HSPA12A: variants seen among roughly 807,000 people sequenced by gnomAD.
The protein encoded by HSPA12A is heat shock protein family A (Hsp70) member 12A, also known as heat shock 70 kDa protein 12A.
In HSPA12A, 28 loss-of-function variants were observed where a neutral mutation model predicts 69.2. The ratio of observed to expected loss-of-function variants is 0.40; its 90% CI spans 0.30 to 0.55. The LOEUF (loss-of-function observed/expected upper bound fraction) is 0.55, where lower values mean the gene tolerates loss of function less well. Among genes scored for constraint, HSPA12A ranks in the 20% least tolerant of loss-of-function variants. The pLI, the probability that HSPA12A is intolerant of heterozygous loss-of-function variation, is 0.38. For missense variants in HSPA12A, 686 were observed against 900.7 expected, an observed-to-expected ratio of 0.76 and a Z score of 3.05; for synonymous variants, 345 against 370.5, an observed-to-expected ratio of 0.93 and a Z score of 0.79.
chr10:116,846,487 C>T (rs1392930025), intron 1 of HSPA12A, among the ~76,000 whole-genome samples: 2 of 151,874 alleles, frequency 1.3e-5, no homozygotes, highest in African/African-American at 2.4e-5. Context: ...GTAGCTGGGA[C>T]CACAAGCACG....
chr10:116,750,113 G>T (rs1851740375), intron 2 of HSPA12A: 6 of 502,042 alleles, frequency 1.2e-5, no homozygotes, highest in Admixed American at 8.0e-5. Context: ...TATGGAAGGG[G>T]ATATGATAAT....
At chr10:116,742,376 T>A (rs1851540934) in intron 1 of HSPA12A, 54 bp downstream of exon 1, 1 of 1,416,910 alleles carries the variant, frequency 7.1e-7, no homozygotes, top group Admixed American at 2.7e-5. Context: ...CAAGCGCGCC[T>A]CCTCCCTCCC....
chr10:116,692,327 C>T lies in HSPA12A; in HGVS notation c.663+24G>A, dbSNP rs1554880231. On this transcript the variant is annotated intron_variant, in intron 6 of 11. Coordinates refer to ENST00000369209, the MANE Select transcript of HSPA12A (RefSeq NM_025015.3). The stretch of plus-strand genomic sequence containing the variant: ...TCTTGAGTCCTTCTCCTCCGGCTTC[C>T]ACCCGCCCTGACTCTACCCTCACCT... The T allele has an allele frequency of 4.4e-6, 7 of 1,588,276 alleles. 1 individual carries two copies. Among genetic ancestry groups the T allele is most frequent in the South Asian group, 2.2e-5 (2 of 90,354 alleles).
At chr10:116,829,855 G>C (rs938336983) in intron 2 of HSPA12A, 1 of 152,136 alleles carries the variant, frequency 6.6e-6, no homozygotes. Flanking sequence ...CCAATCTCGT[G>C]GCTGCCTCTG....
chr10:116,679,028 A>G (rs1306736556), intron 10 of HSPA12A, among the ~76,000 whole-genome samples: 2 of 152,128 alleles, frequency 1.3e-5, no homozygotes, highest in East Asian at 3.8e-4. Flanking sequence ...TCTTCTAAAT[A>G]TATTCATTTT....
intron 2 of HSPA12A, among the ~76,000 whole-genome samples, chr10:116,765,686 G>T (rs1022895751): frequency 1.3e-5 from 2 of 152,134 alleles, no homozygotes; most frequent in African/African-American, 2.4e-5. Flanking sequence ...AGACACACAC[G>T]TGTGGGGCAG....
chr10:116,676,408 C>G lies in HSPA12A; in HGVS notation c.1381G>C (p.Glu461Gln). Residue 461 changes from glutamate (E) to glutamine (Q), a missense_variant, in exon 11 of 12, where the codon GAG becomes CAG. Physicochemically the swap from Glu to Gln is conservative, Grantham distance 29. Coordinates refer to ENST00000369209, the MANE Select transcript of HSPA12A (RefSeq NM_025015.3). Reference sequence around the variant, plus strand: ...CCTGGCTGATACTTACGGAGATGCTCAATGATGCTATCGATGGTCGGCTTA... The same window carrying G: ...CCTGGCTGATACTTACGGAGATGCTGAATGATGCTATCGATGGTCGGCTTA... The part of the protein sequence containing the change: ...LFKPTIDSII[E>Q]HLRDLFQKPE... 1 of 1,613,572 alleles carries G rather than the reference C, an allele frequency of 6.2e-7. No individual in the cohort carries two copies. The highest frequency in any genetic ancestry group is 1.3e-5 in the African/African-American group (1 of 75,044).
At chr10:116,741,496 G>A (rs1328537783) in intron 1 of HSPA12A, among the ~76,000 whole-genome samples, 1 of 152,176 alleles carries the variant, frequency 6.6e-6, no homozygotes, top group South Asian at 2.1e-4. Context: ...CGCTCTCGCC[G>A]AGGCCCTGCA....
chr10:116,777,750 C>T (rs1589700221), intron 2 of HSPA12A, among the ~76,000 whole-genome samples: 1 of 152,206 alleles, frequency 6.6e-6, no homozygotes, highest in Non-Finnish European at 1.5e-5. Flanking sequence ...TGTTTTGAGA[C>T]GGAGTCTCAC....
chr10:116,715,964 C>T (rs1251885928), intron 1 of HSPA12A, among the ~76,000 whole-genome samples: 1 of 152,178 alleles, frequency 6.6e-6, no homozygotes, highest in Admixed American at 6.5e-5. Context: ...GCCCTTAGAG[C>T]AGTCAGAATT....
intron 2 of HSPA12A, among the ~76,000 whole-genome samples, chr10:116,772,238 T>A (rs1248908861): frequency 6.6e-6 from 1 of 152,148 alleles, no homozygotes. Context: ...CAGGGGGTAC[T>A]GTGAAGCCAT....
intron 1 of HSPA12A, among the ~76,000 whole-genome samples, chr10:116,709,341 G>C (rs141252292): frequency 6.6e-6 from 1 of 151,834 alleles, no homozygotes; most frequent in Non-Finnish European, 1.5e-5. Flanking sequence ...CCAGCTACTC[G>C]GGAGGCTGAG....
chr10:116,815,766 A>C (rs1845291745), intron 2 of HSPA12A, among the ~76,000 whole-genome samples: 1 of 152,122 alleles, frequency 6.6e-6, no homozygotes, highest in Non-Finnish European at 1.5e-5. Flanking sequence ...CCTTCTTTTC[A>C]GTGCACTCTG....
Position 116,674,945 on chromosome 10 carries a change from C to T in HSPA12A, c.1864G>A (p.Gly622Ser). The change falls in exon 12 of 12, where the codon GGC (glycine) becomes AGC (serine). Residue 622 changes from glycine to serine, a missense_variant. Physicochemically the swap from Gly to Ser is moderately conservative, Grantham distance 56. Transcript: ENST00000369209. ...CCTGTGAGATCCAGGCGGAGCGTGC[C>T]ACACTTCTTCACCCCGGGATCAGTG... Reference protein sequence around the residue: ...FITDPGVKKCGTLRLDLTGTS... With the variant: ...FITDPGVKKCSTLRLDLTGTS... 6.2e-7 allele frequency: 1 copy of T among 1,614,156 alleles called. No individual in the cohort carries two copies. Among genetic ancestry groups the T allele is most frequent in the Non-Finnish European group, 8.5e-7 (1 of 1,180,034 alleles).
chr10:116,692,858 G>C (rs1849775544), intron 5 of HSPA12A, among the ~76,000 whole-genome samples: 1 of 152,144 alleles, frequency 6.6e-6, no homozygotes, highest in Admixed American at 6.5e-5. Flanking sequence ...TACATTTACT[G>C]AGTGCTTATC....
At chr10:116,796,460 C>T (rs1024594221) in intron 2 of HSPA12A, among the ~76,000 whole-genome samples, 2 of 152,094 alleles carry the variant, frequency 1.3e-5, no homozygotes, top group African/African-American at 2.4e-5. Flanking sequence ...GTGGGTCTTG[C>T]TGCTCTGGGT....
At chr10:116,711,681 T>TC (rs1554883106) in intron 1 of HSPA12A, among the ~76,000 whole-genome samples, 22 of 149,552 alleles carry the variant, frequency 1.5e-4, no homozygotes, top group African/African-American at 5.2e-4. Context: ...TTTTTTTTTT[T>TC]CGAGACTGAG....
chr10:116,727,751 G>T (rs1263821939), intron 1 of HSPA12A, among the ~76,000 whole-genome samples: 2 of 64,558 alleles, frequency 3.1e-5, no homozygotes, highest in East Asian at 9.6e-4. Context: ...AATGTAAGTG[G>T]GTTTTTTTTT....
At chr10:116,795,688 A>C (rs1156747604) in intron 2 of HSPA12A, among the ~76,000 whole-genome samples, 21 of 14,322 alleles carry the variant, frequency 1.5e-3, no homozygotes, top group Non-Finnish European at 2.4e-3. Context: ...TGTCTCAAAA[A>C]AAAAAAAAAA....
Sources: gnomAD v4.1 joint callset for allele counts (sites outside exome capture counted in the v4.1 genomes callset) on GRCh38, gnomAD v4.1.1 for gene constraint, MANE v1.5 for transcripts, NCBI Gene and HGNC (gene_info 2026-07-23, HGNC 2026-07-21) for gene names.